The following NEU3 variants were observed in gnomAD, a reference collection of about 807,000 sequenced individuals.
The protein encoded by NEU3 is neuraminidase 3, also known as sialidase-3.
NEU3 carries 10 observed loss-of-function variants against 11.4 expected under a neutral mutation model. The ratio of observed to expected loss-of-function variants is 0.88; its 90% confidence interval spans 0.54 to 1.49. NEU3 has a LOEUF of 1.49. Among genes scored for constraint, NEU3 ranks in the 40% most tolerant of loss-of-function variants. The probability of loss-of-function intolerance (pLI) is 0.00; values close to 1 mark genes in which losing one functional copy is unlikely to be tolerated. For missense variants in NEU3, 529 were observed against 581.8 expected, an observed-to-expected ratio of 0.91 and a Z score of 0.93; for synonymous variants, 212 against 228.2, an observed-to-expected ratio of 0.93 and a Z score of 0.64.
the NEU3 span, among the ~76,000 whole-genome samples, chr11:74,980,529 A>C: frequency 1.3e-5 from 2 of 152,050 alleles, no homozygotes; most frequent in African/African-American, 4.8e-5. Context: ...CCTTTTCTCC[A>C]TGGTGGAAGT....
chr11:74,985,621 A>G (rs1948660921), upstream of NEU3, among the ~76,000 whole-genome samples: 1 of 152,206 alleles, frequency 6.6e-6, no homozygotes. Context: ...CTCAGCATAT[A>G]TGACTAAGAT....
chr11:75,012,391 C>T (rs756490337), downstream of NEU3, among the ~76,000 whole-genome samples: 7 of 152,160 alleles, frequency 4.6e-5, no homozygotes, highest in Non-Finnish European at 8.8e-5. Flanking sequence ...TATAAAGGTA[C>T]ACGGGGTCAT....
chr11:74,989,952 C>A, intron 1 of NEU3: 1 of 702,360 alleles, frequency 1.4e-6, no homozygotes, highest in Non-Finnish European at 2.6e-6. Context: ...TATTTTCTAT[C>A]CCGTTTCCAG....
At chr11:75,018,462 A>C (rs184210625) in intron 3 of NEU3, among the ~76,000 whole-genome samples, 244 of 152,254 alleles carry the variant, frequency 1.6e-3, no homozygotes, top group Middle Eastern at 0.014. Context: ...TAAAGCAGGC[A>C]GAAAAACGGG....
chr11:75,007,805 T>G lies in NEU3; in HGVS notation c.*1313T>G, dbSNP rs116037764. On this transcript the variant is annotated 3_prime_UTR_variant, in exon 3 of 3. Transcript: ENST00000294064. ...CATAGCCTGTTATTGCAACAGAAAT[T>G]CTATCATGAGAGATTTATTTTTTTG... 114 of 152,352 alleles carry G rather than the reference T, an allele frequency of 7.5e-4. No individual in the cohort carries two copies. The highest frequency in any genetic ancestry group is 2.6e-3 in the African/African-American group (108 of 41,570). The allele number at this position is 152,352 out of a possible 1,614,324, so 9.4% of individuals were successfully genotyped here. A position where few individuals can be genotyped will look rare whatever the true frequency, so the allele number is the denominator to read the frequency against.
chr11:74,981,513 T>C, the NEU3 span, among the ~76,000 whole-genome samples: 3 of 152,212 alleles, frequency 2.0e-5, no homozygotes. Flanking sequence ...GGGGTCTGCA[T>C]ATGTAGTCAT....
At chr11:75,003,549 T>C (rs1441174854) in intron 2 of NEU3, among the ~76,000 whole-genome samples, 1 of 152,220 alleles carries the variant, frequency 6.6e-6, no homozygotes, top group Non-Finnish European at 1.5e-5. Flanking sequence ...AAAGGTAGCA[T>C]ACTACATACA....
At chr11:75,002,016 G>A (rs2140246530) in intron 2 of NEU3, among the ~76,000 whole-genome samples, 1 of 152,308 alleles carries the variant, frequency 6.6e-6, no homozygotes, top group South Asian at 2.1e-4. Context: ...CGTGGGATGG[G>A]AGTTAGCACT....
Position 74,989,144 on chromosome 11 carries a change from G to A in NEU3, c.84G>A (p.Gly28=), listed in dbSNP as rs772279045. The A allele has an allele frequency of 1.7e-4, 259 of 1,550,966 alleles. No homozygotes were observed. The highest frequency in any genetic ancestry group is 2.1e-4 in the Non-Finnish European group (243 of 1,146,796). ...CCCCGACAGAGACGGAGGAGCCGGG[G>A]TCCAGTGCAGGTGAGCGGGGTTGGG... ...SSAPTETEEP[G]SSAEVMEEVT... is the part of the protein sequence containing the mutation. The change falls in exon 1 of 3, where the codon GGG becomes GGA. Residue 28 remains glycine, a synonymous_variant. Transcript: ENST00000294064.
At chr11:74,988,826 AG>A (rs1948695739), upstream of NEU3, 23 of 480,456 alleles carry the variant, frequency 4.8e-5, no homozygotes, top group South Asian at 5.3e-4. Flanking sequence ...GGCAGCGCCG[AG>A]GGGGCGGGAC....
downstream of NEU3, among the ~76,000 whole-genome samples, chr11:75,019,148 T>C (rs575137567): frequency 5.3e-5 from 8 of 152,290 alleles, no homozygotes; most frequent in African/African-American, 1.7e-4. Flanking sequence ...ATAAGGGAAG[T>C]GGAGCATAAA....
chr11:74,988,708 C>T (rs1188426983), upstream of NEU3: 4 of 331,678 alleles, frequency 1.2e-5, no homozygotes, highest in African/African-American at 2.3e-5. Context: ...AGAGAGGAGG[C>T]GGCCGTTGGG....
rs747151638 is a variant in NEU3 at position 75,006,453 on chromosome 11, C to T, written c.1347C>T (p.Thr449=). The change falls in exon 3 of 3, where the codon ACC becomes ACT. Residue 449 remains threonine (T), a synonymous_variant. Transcript: ENST00000294064. ...TGAGTCACCTGCAGGGGGACTGCAC[C>T]AGCCCTGGTAGGAACCCAAGCCAAT... The part of the protein sequence containing the change: ...EILSHLQGDC[T]SPGRNPSQFK... 6.2e-7 allele frequency: 1 copy of T among 1,613,690 alleles called. No homozygotes were observed. The highest frequency in any genetic ancestry group is 2.2e-5 in the East Asian group (1 of 44,864).
At chr11:74,985,452 A>G (rs1019778387), upstream of NEU3, among the ~76,000 whole-genome samples, 4 of 152,124 alleles carry the variant, frequency 2.6e-5, no homozygotes, top group Non-Finnish European at 5.9e-5. Flanking sequence ...ATAGAGACAT[A>G]TATGGTTATT....
chr11:74,981,305 AAG>A, the NEU3 span, among the ~76,000 whole-genome samples: 1 of 152,196 alleles, frequency 6.6e-6, no homozygotes. Context: ...CCACTGGAGA[AAG>A]AGAAACTTGG....
At chr11:75,003,246 C>G (rs1389540048) in intron 2 of NEU3, among the ~76,000 whole-genome samples, 1 of 152,130 alleles carries the variant, frequency 6.6e-6, no homozygotes, top group Non-Finnish European at 1.5e-5. Context: ...ACCAGGCCTT[C>G]AAGTTTTGTC....
chr11:74,986,646 A>C (rs1246806202), upstream of NEU3, among the ~76,000 whole-genome samples: 4 of 152,252 alleles, frequency 2.6e-5, no homozygotes, highest in African/African-American at 9.6e-5. Flanking sequence ...TCTCCTTTTC[A>C]TTAATATCAT....
At chr11:74,994,873 G>A (rs1948772560) in intron 2 of NEU3, 153 bp downstream of exon 2, 1 of 741,342 alleles carries the variant, frequency 1.3e-6, no homozygotes, top group Non-Finnish European at 2.4e-6. Flanking sequence ...CTCTCACTGA[G>A]TGCTTATTGT....
intron 2 of NEU3, 88 bp downstream of exon 2, chr11:74,994,808 G>C: frequency 8.2e-7 from 1 of 1,226,894 alleles, no homozygotes. Flanking sequence ...TTTCTCATCA[G>C]TACAGGAAAG....
Sources: gnomAD v4.1 joint callset for allele counts (sites outside exome capture counted in the v4.1 genomes callset) on GRCh38, gnomAD v4.1.1 for gene constraint, MANE v1.5 for transcripts, NCBI Gene and HGNC (gene_info 2026-07-23, HGNC 2026-07-21) for gene names.